The following KAZN variants were observed in gnomAD, a reference collection of about 807,000 sequenced individuals.
KAZN encodes kazrin.
Under a neutral mutation model 87.4 loss-of-function variants are expected in KAZN, and 40 were observed. That is an observed-to-expected ratio of 0.46 (90% CI 0.36 to 0.60). The LOEUF (loss-of-function observed/expected upper bound fraction) is 0.60, where lower values mean the gene tolerates loss of function less well. Among genes scored for constraint, KAZN ranks in the 20% least tolerant of loss-of-function variants. KAZN has a pLI of 0.00. For synonymous variants in KAZN, 466 were observed against 458.3 expected (o/e 1.02, Z -0.22); for missense variants, 898 against 1,073.9 (o/e 0.84, Z 2.29).
chr1:13,970,789 C>T lies in KAZN; in HGVS notation c.91+77033C>T, dbSNP rs537515255. Among the ~76,000 whole-genome samples the T allele has an allele frequency of 9.2e-5, 14 of 152,316 alleles. 1 individual carries two copies. In the South Asian group the frequency reaches 1.7e-3, roughly 18 times the overall value. Reference sequence around the variant, plus strand: ...TTCTATTCTGATTTACTGGCATGGGCTCCAAACCTTCTTCTGCTAATCTTT... The same window carrying T: ...TTCTATTCTGATTTACTGGCATGGGTTCCAAACCTTCTTCTGCTAATCTTT... On this transcript the variant is annotated intron_variant, in intron 1 of 16. Coordinates refer to the KAZN transcript ENST00000636203.
At chr1:14,928,636 GAGA>G (rs1465014255) in intron 1 of KAZN, among the ~76,000 whole-genome samples, 5 of 152,174 alleles carry the variant, frequency 3.3e-5, no homozygotes, top group Admixed American at 3.3e-4. Context: ...GAGCCGTTCT[GAGA>G]AGAACTTGTG....
At chr1:14,375,254 T>C (rs1272666119) in intron 2 of KAZN, among the ~76,000 whole-genome samples, 1 of 152,042 alleles carries the variant, frequency 6.6e-6, no homozygotes, top group Non-Finnish European at 1.5e-5. Context: ...GAGGTTAGAT[T>C]CAAAAATAAG....
At chr1:15,023,026 C>T (rs117146652) in intron 2 of KAZN, among the ~76,000 whole-genome samples, 110 of 152,342 alleles carry the variant, frequency 7.2e-4, no homozygotes, top group African/African-American at 2.5e-3. Context: ...ATAGCTGAGG[C>T]CCAGGCCCTG....
At chr1:14,224,656 T>C (rs1005991900) in intron 2 of KAZN, among the ~76,000 whole-genome samples, 8 of 152,010 alleles carry the variant, frequency 5.3e-5, no homozygotes, top group South Asian at 2.1e-4. Context: ...AATGACATAG[T>C]AGGGGATGGC....
intron 1 of KAZN, among the ~76,000 whole-genome samples, chr1:14,869,197 C>A (rs1281134805): frequency 6.6e-6 from 1 of 152,188 alleles, no homozygotes; most frequent in East Asian, 1.9e-4. Context: ...CCTGTCTTGA[C>A]CCTTCCAGTT....
rs143224677 is a variant in KAZN, at chr1:15,018,242, C to T, written c.419-16507C>T. The stretch of plus-strand genomic sequence containing the variant: ...GCTTGGCTAATCTTTCATCTAATTA[C>T]ACTCATTAACATTTAAATGTATAAT... On this transcript the variant is annotated intron_variant, in intron 2 of 14. Transcript: ENST00000376030. Among the ~76,000 whole-genome samples, 533 of 152,308 alleles carry T rather than the reference C, an allele frequency of 3.5e-3. 2 individuals carry two copies. The highest frequency in any genetic ancestry group is 0.017 in the Middle Eastern group (5 of 294).
intron 4 of KAZN, 52 bp downstream of exon 4, chr1:15,044,211 C>T (rs1673226989): frequency 8.0e-7 from 1 of 1,245,700 alleles, no homozygotes; most frequent in Non-Finnish European, 1.0e-6. Flanking sequence ...CAGTGCCGTG[C>T]TGGGAGCCGG....
intron 1 of KAZN, among the ~76,000 whole-genome samples, chr1:14,714,488 T>A (rs1364109846): frequency 1.3e-5 from 2 of 152,170 alleles, no homozygotes; most frequent in African/African-American, 2.4e-5. Flanking sequence ...GTGTGCAGCA[T>A]AATTAAGGCG....
chr1:14,154,566 A>T (rs919943211), intron 1 of KAZN, among the ~76,000 whole-genome samples: 1 of 152,156 alleles, frequency 6.6e-6, no homozygotes, highest in Non-Finnish European at 1.5e-5. Context: ...CATCCTTGTT[A>T]TGCTTCAGAT....
intron 2 of KAZN, chr1:14,304,597 C>G (rs1182406248): frequency 2.5e-6 from 1 of 398,218 alleles, no homozygotes; most frequent in Non-Finnish European, 4.4e-6. Context: ...CAGAAGTCAT[C>G]CATAAACACA....
chr1:14,342,236 T>C (rs1213922541), intron 2 of KAZN, among the ~76,000 whole-genome samples: 1 of 152,220 alleles, frequency 6.6e-6, no homozygotes, highest in Admixed American at 6.5e-5. Flanking sequence ...CAGTCTACCA[T>C]TGATGGGCAT....
intron 2 of KAZN, among the ~76,000 whole-genome samples, chr1:14,504,308 G>A (rs1263854334): frequency 6.6e-6 from 1 of 152,214 alleles, no homozygotes; most frequent in African/African-American, 2.4e-5. Context: ...AGCTGGGGGA[G>A]AGAGAAATTC....
At chr1:14,639,357 G>A (rs914402236) in intron 1 of KAZN, among the ~76,000 whole-genome samples, 3 of 152,164 alleles carry the variant, frequency 2.0e-5, no homozygotes, top group East Asian at 1.9e-4. Context: ...GTAAAAATGC[G>A]ATGCAGAATA....
chr1:13,898,680 T>C (rs2038094), intron 1 of KAZN, among the ~76,000 whole-genome samples: 132,691 of 152,172 alleles, frequency 0.87, 58,247 homozygotes, highest in African/African-American at 0.97. Context: ...CAAGGCTCCT[T>C]GTTTGCATGA....
intron 1 of KAZN, among the ~76,000 whole-genome samples, chr1:13,902,321 A>G (rs746255829): frequency 7.9e-5 from 12 of 152,176 alleles, no homozygotes. Flanking sequence ...GTCCATAAGG[A>G]GTGGGACCGT....
At chr1:13,922,485 T>G (rs1640106397) in intron 1 of KAZN, among the ~76,000 whole-genome samples, 1 of 152,212 alleles carries the variant, frequency 6.6e-6, no homozygotes, top group Admixed American at 6.5e-5. Flanking sequence ...ATGGCTACAC[T>G]TTGCATCTGG....
rs2480059 is a variant in KAZN at position 14,471,258 on chromosome 1, A to T, written c.250-127725A>T. ...TACGGCTGGCTATCATTCTTGATTA[A>T]GGATTTGCCTCTATAATTATAATTT... is the stretch of plus-strand genomic sequence containing the variant. On this transcript the variant is annotated intron_variant, in intron 2 of 16. Transcript: ENST00000636203. 3.3e-5 allele frequency among the ~76,000 whole-genome samples: 5 copies of T among 151,770 alleles called. No individual in the cohort carries two copies. In the East Asian group the frequency reaches 9.7e-4, roughly 30 times the overall value.
chr1:14,863,768 G>A (rs3765380), intron 1 of KAZN, among the ~76,000 whole-genome samples: 28,111 of 152,030 alleles, frequency 0.18, 3,012 homozygotes, highest in African/African-American at 0.3. Context: ...GAAGGTGCAC[G>A]GGGGATCAGC....
At chr1:14,330,523 A>T (rs545174032) in intron 2 of KAZN, among the ~76,000 whole-genome samples, 32 of 152,326 alleles carry the variant, frequency 2.1e-4, no homozygotes, top group African/African-American at 7.5e-4. Context: ...CTCAGAAGAA[A>T]AATGAAGACC....
Sources: allele counts gnomAD v4.1 joint callset (sites outside exome capture counted in the v4.1 genomes callset), GRCh38; gene constraint gnomAD v4.1.1; transcripts MANE v1.5; gene names NCBI Gene and HGNC (gene_info 2026-07-23, HGNC 2026-07-21).